The following GRIA4 variants were observed in gnomAD, a reference collection of about 807,000 sequenced individuals.
GRIA4 encodes the protein glutamate ionotropic receptor AMPA type subunit 4.
Under a neutral mutation model 104.0 loss-of-function variants are expected in GRIA4, and 34 were observed. The observed-to-expected ratio is 0.33, with a 90% CI of 0.25 to 0.44. The LOEUF (loss-of-function observed/expected upper bound fraction) is 0.44, where lower values mean the gene tolerates loss of function less well. GRIA4 is among the 20% of genes least tolerant of loss of function. The pLI, the probability that GRIA4 is intolerant of heterozygous loss-of-function variation, is 1.00. For synonymous variants in GRIA4, 386 were observed against 381.9 expected, an observed-to-expected ratio of 1.01 and a Z score of -0.13; for missense variants, 750 against 1,096.5, an observed-to-expected ratio of 0.68 and a Z score of 4.46.
intron 3 of GRIA4, among the ~76,000 whole-genome samples, chr11:105,670,240 T>C (rs1331692977): frequency 3.9e-5 from 6 of 152,188 alleles, no homozygotes; most frequent in African/African-American, 1.2e-4. Flanking sequence ...TAAAATCTTC[T>C]GCTGTTTCCT....
At chr11:105,733,615 A>T (rs1223708070) in intron 3 of GRIA4, among the ~76,000 whole-genome samples, 1 of 151,592 alleles carries the variant, frequency 6.6e-6, no homozygotes, top group African/African-American at 2.4e-5. Context: ...TGCCACCACG[A>T]CCAGCTAATT....
intron 10 of GRIA4, chr11:105,912,641 T>A: frequency 1.4e-6 from 1 of 693,350 alleles, no homozygotes; most frequent in Non-Finnish European, 1.8e-6. Flanking sequence ...AATACTAGTA[T>A]CTTTTTGTAT....
At chr11:105,964,747 A>G (rs911039315) in intron 14 of GRIA4, among the ~76,000 whole-genome samples, 14 of 152,146 alleles carry the variant, frequency 9.2e-5, no homozygotes, top group African/African-American at 3.4e-4. Context: ...AAAGCAGGAA[A>G]GAAACCAAAT....
intron 4 of GRIA4, among the ~76,000 whole-genome samples, chr11:105,857,168 T>C (rs1945037546): frequency 6.6e-6 from 1 of 152,058 alleles, no homozygotes; most frequent in Non-Finnish European, 1.5e-5. Context: ...TTGGAAAGAG[T>C]CCAACCTAAA....
intron 4 of GRIA4, among the ~76,000 whole-genome samples, chr11:105,775,059 T>A (rs1460314427): frequency 2.0e-5 from 3 of 152,104 alleles, no homozygotes; most frequent in African/African-American, 7.2e-5. Flanking sequence ...TCCTCAGGCT[T>A]CCAGAGCTCC....
At chr11:105,766,896 T>C (rs1940971635) in intron 4 of GRIA4, among the ~76,000 whole-genome samples, 1 of 152,176 alleles carries the variant, frequency 6.6e-6, no homozygotes, top group Non-Finnish European at 1.5e-5. Flanking sequence ...ACCTTCTCAA[T>C]GTGGCCCTCT....
At chr11:105,722,887 T>G (rs1055012103) in intron 3 of GRIA4, among the ~76,000 whole-genome samples, 3 of 152,162 alleles carry the variant, frequency 2.0e-5, no homozygotes, top group African/African-American at 7.2e-5. Flanking sequence ...AATAATATTA[T>G]CGCCAAACTA....
intron 3 of GRIA4, among the ~76,000 whole-genome samples, chr11:105,705,920 A>G (rs1020450715): frequency 2.6e-5 from 4 of 152,176 alleles, no homozygotes; most frequent in Non-Finnish European, 4.4e-5. Context: ...CTGAATATAC[A>G]TTGCTAATAC....
chr11:105,857,354 A>C (rs1260640540), intron 4 of GRIA4, among the ~76,000 whole-genome samples: 1 of 152,222 alleles, frequency 6.6e-6, no homozygotes, highest in East Asian at 1.9e-4. Flanking sequence ...GCCAGACCAG[A>C]GATATTGATG....
chr11:105,709,387 A>G (rs568598573), intron 3 of GRIA4, among the ~76,000 whole-genome samples: 1 of 152,322 alleles, frequency 6.6e-6, no homozygotes, highest in Non-Finnish European at 1.5e-5. Context: ...TTAGGTAAAT[A>G]TCACAGTCAT....
chr11:105,728,058 C>T (rs184339543), intron 3 of GRIA4, among the ~76,000 whole-genome samples: 14 of 152,148 alleles, frequency 9.2e-5, no homozygotes, highest in African/African-American at 3.1e-4. Flanking sequence ...GGCTAAATGC[C>T]CCAATTAAAA....
At chr11:105,855,912 C>T (rs970073610) in intron 4 of GRIA4, among the ~76,000 whole-genome samples, 1 of 151,942 alleles carries the variant, frequency 6.6e-6, no homozygotes, top group African/African-American at 2.4e-5. Context: ...TCAACTGACA[C>T]CTGAAATCCA....
intron 3 of GRIA4, among the ~76,000 whole-genome samples, chr11:105,708,685 T>A (rs982579843): frequency 3.3e-5 from 5 of 151,968 alleles, no homozygotes; most frequent in African/African-American, 9.7e-5. Flanking sequence ...TATACCAACA[T>A]TGAGCAAATA....
intron 6 of GRIA4, among the ~76,000 whole-genome samples, chr11:105,894,052 G>T (rs960885668): frequency 6.6e-6 from 1 of 152,154 alleles, no homozygotes; most frequent in African/African-American, 2.4e-5. Flanking sequence ...ATTGATAATA[G>T]TGATCATTTA....
intron 4 of GRIA4, among the ~76,000 whole-genome samples, chr11:105,794,996 C>T (rs1234967843): frequency 2.0e-5 from 3 of 151,968 alleles, no homozygotes; most frequent in Admixed American, 6.6e-5. Context: ...TATTGACACA[C>T]CATTAGGTTT....
At chr11:105,618,288 G>A (rs1950651393) in intron 3 of GRIA4, among the ~76,000 whole-genome samples, 1 of 151,972 alleles carries the variant, frequency 6.6e-6, no homozygotes, top group Admixed American at 6.6e-5. Flanking sequence ...GTTTTATAAA[G>A]AACAGGCTAG....
chr11:105,804,824 T>C (rs923204935), intron 4 of GRIA4, among the ~76,000 whole-genome samples: 3 of 151,996 alleles, frequency 2.0e-5, no homozygotes, highest in African/African-American at 7.2e-5. Context: ...TGGCAAGTTG[T>C]ATTAGATGTA....
intron 3 of GRIA4, among the ~76,000 whole-genome samples, chr11:105,655,977 T>A (rs931572921): frequency 6.6e-6 from 1 of 152,042 alleles, no homozygotes; most frequent in African/African-American, 2.4e-5. Context: ...TATTTCTCCA[T>A]GTCCTCTCCA....
chr11:105,867,353 T>C (rs918316516), intron 5 of GRIA4, among the ~76,000 whole-genome samples: 1 of 152,198 alleles, frequency 6.6e-6, no homozygotes, highest in African/African-American at 2.4e-5. Context: ...CTGCCTACCA[T>C]GTCTAGTACC....
Sources: allele counts gnomAD v4.1 joint callset (sites outside exome capture counted in the v4.1 genomes callset), GRCh38; gene constraint gnomAD v4.1.1; transcripts MANE v1.5; gene names NCBI Gene and HGNC (gene_info 2026-07-23, HGNC 2026-07-21).